PCDHGC5: variants seen among roughly 807,000 people sequenced by gnomAD.
PCDHGC5 encodes the protein protocadherin gamma subfamily C, 5.
In PCDHGC5, 25 loss-of-function variants were observed where a neutral mutation model predicts 59.0. The ratio of observed to expected loss-of-function variants is 0.42; its 90% CI spans 0.31 to 0.59. The LOEUF is 0.59. PCDHGC5 is among the 20% of genes least tolerant of loss of function. PCDHGC5 has a pLI of 0.13. For synonymous variants in PCDHGC5, 434 were observed against 505.5 expected (o/e 0.86, Z 1.90); for missense variants, 1,067 against 1,206.4 (o/e 0.88, Z 1.71).
At chr5:141,505,306 T>C in intron 2 of PCDHGC5, 87 bp from the exon 3 acceptor site, 4 of 1,596,550 alleles carry the variant, frequency 2.5e-6, no homozygotes, top group Non-Finnish European at 3.4e-6. Context: ...GTTAGGGTAC[T>C]AGGTTTGGGA....
At chr5:141,510,887 G>C (rs2099883217) in intron 3 of PCDHGC5, 60 bp from the exon 4 acceptor site, 2 of 1,612,600 alleles carry the variant, frequency 1.2e-6, no homozygotes, top group East Asian at 4.5e-5. Context: ...GGGGATATAA[G>C]ACAGTGACTG....
At chr5:141,494,455 G>A (rs906714175) in intron 1 of PCDHGC5, among the ~76,000 whole-genome samples, 2 of 152,156 alleles carry the variant, frequency 1.3e-5, no homozygotes, top group African/African-American at 4.8e-5. Flanking sequence ...AGGGGGCTTT[G>A]TCTGCACCTC....
rs1173375966 is a variant in PCDHGC5, at chr5:141,511,162, GAGA to G, written c.2830_2832del (p.Lys944del). 16 of 1,614,044 alleles carry G rather than the reference GAGA, an allele frequency of 9.9e-6. No individual in the cohort carries two copies. The highest frequency in any genetic ancestry group is 5.5e-5 in the South Asian group (5 of 91,078). On this transcript the variant is annotated inframe_deletion, in exon 4 of 4. Transcript: ENST00000252087. The stretch of plus-strand genomic sequence containing the variant: ...CAACAAGAAGAAGTCGGGCAAGAAG[GAGA>G]AGAAGTAACATGGAGGCCAGGCCAA...
rs753845173 is a variant in PCDHGC5, at chr5:141,490,873, C to T, written c.1633C>T (p.His545Tyr). The change falls in exon 1 of 4, where the codon CAT becomes TAT. Residue 545 changes from histidine to tyrosine, a missense_variant. Coordinates refer to ENST00000252087, the MANE Select transcript of PCDHGC5 (RefSeq NM_018929.3). The surrounding 1 kb of genome is among the most constrained non-coding windows in gnomAD (Gnocchi z 5.4). Reference sequence around the variant, plus strand: ...TCGAGACTCCGGCTCTCCCCCATTGCATGCCAACACATCTCTGCATGTGTT... The same window carrying T: ...TCGAGACTCCGGCTCTCCCCCATTGTATGCCAACACATCTCTGCATGTGTT... Reference protein sequence around the residue: ...GVRDSGSPPLHANTSLHVFVL... With the variant: ...GVRDSGSPPLYANTSLHVFVL... 5.6e-6 allele frequency: 9 copies of T among 1,613,884 alleles called. No homozygotes were observed. The highest frequency in any genetic ancestry group is 7.6e-6 in the Non-Finnish European group (9 of 1,179,908).
intron 2 of PCDHGC5, among the ~76,000 whole-genome samples, chr5:141,499,115 C>G (rs940275925): frequency 6.6e-6 from 1 of 152,124 alleles, no homozygotes; most frequent in Non-Finnish European, 1.5e-5. Flanking sequence ...CACCACTATC[C>G]CTTCTCAGGT....
At chr5:141,502,019 G>A (rs1454981730) in intron 2 of PCDHGC5, among the ~76,000 whole-genome samples, 1 of 152,008 alleles carries the variant, frequency 6.6e-6, no homozygotes, top group African/African-American at 2.4e-5. Flanking sequence ...TCTCCTCCCT[G>A]CAACCCCCGC....
At chr5:141,500,499 G>A (rs531501031) in intron 2 of PCDHGC5, among the ~76,000 whole-genome samples, 11 of 151,970 alleles carry the variant, frequency 7.2e-5, no homozygotes, top group African/African-American at 2.7e-4. Context: ...GTGAGCCACC[G>A]CGCCTGGCCG....
intron 2 of PCDHGC5, among the ~76,000 whole-genome samples, chr5:141,502,152 C>T (rs1306227782): frequency 2.0e-5 from 3 of 152,128 alleles, no homozygotes; most frequent in African/African-American, 4.8e-5. Flanking sequence ...AAGTAAGGAC[C>T]CCAGATATTC....
Position 141,490,732 on chromosome 5 carries a change from G to T in PCDHGC5, c.1492G>T (p.Val498Phe), listed in dbSNP as rs775388969. 4 of 1,614,188 alleles carry T rather than the reference G, an allele frequency of 2.5e-6. No individual in the cohort carries two copies. Among genetic ancestry groups the T allele is most frequent in the Non-Finnish European group, 3.4e-6 (4 of 1,180,042 alleles). ...CACCTACTCCATTGTAGGAAATCAGGTTCAGGGAGCCCCAGCCTCCTCCTT... is the reference window on the plus strand; with the variant it reads ...CACCTACTCCATTGTAGGAAATCAGTTTCAGGGAGCCCCAGCCTCCTCCTT... ...RLTYSIVGNQ[V>F]QGAPASSFVY... is the part of the protein sequence containing the mutation. Residue 498 changes from valine (V) to phenylalanine (F), a missense_variant, in exon 1 of 4, where the codon GTT becomes TTT. Physicochemically the swap from Val to Phe is conservative, Grantham distance 50 (BLOSUM62 -1). Transcript: ENST00000252087. The surrounding 1 kb of genome is among the most constrained non-coding windows in gnomAD (Gnocchi z 5.4).
At position 141,491,884 on chromosome 5, in the gene PCDHGC5, G is replaced by A. The variant is rs745931108; in HGVS notation, c.2460+184G>A. The A allele has an allele frequency of 2.8e-6, 4 of 1,446,372 alleles. No homozygotes were observed. The highest frequency in any genetic ancestry group is 2.9e-5 in the Admixed American group (1 of 34,718). 89.6% of individuals were successfully genotyped at this position (1,446,372 alleles called of 1,614,324 possible). ...AACCAGAGTGGCCGATTAAGGGATG[G>A]GGCTCCGAGCACCGGGGGTGGTGGC... On this transcript the variant is annotated intron_variant, in intron 1 of 3. Coordinates refer to ENST00000252087, the MANE Select transcript of PCDHGC5 (RefSeq NM_018929.3). This position sits in a 1 kb window ranked among gnomAD's most constrained non-coding sequence, Gnocchi z 6.9.
chr5:141,494,468 C>G (rs2099754577), intron 1 of PCDHGC5, among the ~76,000 whole-genome samples: 1 of 152,136 alleles, frequency 6.6e-6, no homozygotes, highest in East Asian at 1.9e-4. Context: ...TGCACCTCTT[C>G]CCCCAGTTCC....
rs746903142 is a variant in PCDHGC5, at chr5:141,491,667, G to T, written c.2427G>T (p.Arg809=). ...TALALEPDAI[R]SRSNTLRERS... is the part of the protein sequence containing the mutation. ...TGGCGCTGGAGCCTGACGCCATCCG[G>T]TCCCGCTCTAATACGCTGCGGGAGC... Residue 809 remains arginine, a synonymous_variant, in exon 1 of 4, where the codon CGG becomes CGT. Coordinates refer to ENST00000252087, the MANE Select transcript of PCDHGC5 (RefSeq NM_018929.3). The surrounding 1 kb of genome is among the most constrained non-coding windows in gnomAD (Gnocchi z 6.9). 1.9e-6 allele frequency: 3 copies of T among 1,613,794 alleles called. No individual in the cohort carries two copies. Among genetic ancestry groups the T allele is most frequent in the Admixed American group, 1.7e-5 (1 of 60,032 alleles).
rs200464357 is a variant in PCDHGC5 at position 141,489,983 on chromosome 5, G to A, written c.743G>A (p.Arg248His). 4.5e-5 allele frequency: 73 copies of A among 1,614,172 alleles called. No homozygotes were observed. Among genetic ancestry groups the A allele is most frequent in the Middle Eastern group, 3.3e-4 (2 of 6,062 alleles). ...NAPTFQSSVLRVGIPENAPIG... is the reference protein window; with the variant it reads ...NAPTFQSSVLHVGIPENAPIG... ...CCAACCTTCCAATCCTCAGTTCTAC[G>A]TGTGGGAATCCCAGAGAATGCACCC... The change falls in exon 1 of 4, where the codon CGT becomes CAT. Residue 248 changes from arginine (R) to histidine (H), a missense_variant. Coordinates refer to ENST00000252087, the MANE Select transcript of PCDHGC5 (RefSeq NM_018929.3). This position sits in a 1 kb window ranked among gnomAD's most constrained non-coding sequence, Gnocchi z 4.5.
intron 2 of PCDHGC5, among the ~76,000 whole-genome samples, chr5:141,502,296 G>A (rs758304596): frequency 7.9e-5 from 12 of 151,130 alleles, no homozygotes; most frequent in Non-Finnish European, 1.2e-4. Context: ...TGGTTGTCAC[G>A]TCTTTCCTCT....
At position 141,491,583 on chromosome 5, in the gene PCDHGC5, C is replaced by T; in HGVS notation, c.2343C>T (p.Ala781=). The change falls in exon 1 of 4, where the codon GCC becomes GCT. Residue 781 remains alanine (A), a synonymous_variant. Transcript: ENST00000252087. The surrounding 1 kb of genome is among the most constrained non-coding windows in gnomAD (Gnocchi z 6.9). ...GCTACAGGACGTGCTTTTCACCGGC[C>T]TCGGACGGCAGTGACTTCACTTTTC... The part of the protein sequence containing the change: ...SHCYRTCFSP[A]SDGSDFTFLR... 1 of 1,613,964 alleles carries T rather than the reference C, an allele frequency of 6.2e-7. No individual in the cohort carries two copies. Among genetic ancestry groups the T allele is most frequent in the African/African-American group, 1.3e-5 (1 of 75,032 alleles).
At chr5:141,492,500 C>G (rs2099741252) in intron 1 of PCDHGC5, among the ~76,000 whole-genome samples, 1 of 152,322 alleles carries the variant, frequency 6.6e-6, no homozygotes, top group South Asian at 2.1e-4. Flanking sequence ...GCGAGGACTC[C>G]GGAGCCTCCT....
At position 141,511,235 on chromosome 5, in the gene PCDHGC5, C is replaced by G; in HGVS notation, c.*62C>G. On this transcript the variant is annotated 3_prime_UTR_variant, in exon 4 of 4. Transcript: ENST00000252087. ...CCCCAACCAGCCCAGCTTCTCCTTA[C>G]CTGCACCCAGGCCTCAGAGTTTCAG... 2 of 1,592,936 alleles carry G rather than the reference C, an allele frequency of 1.3e-6. No homozygotes were observed. The highest frequency in any genetic ancestry group is 1.7e-6 in the Non-Finnish European group (2 of 1,169,652).
chr5:141,494,643 AG>A, intron 1 of PCDHGC5, 163 bp from the exon 2 acceptor site: 1 of 928,048 alleles, frequency 1.1e-6, no homozygotes, highest in Non-Finnish European at 1.3e-6. Flanking sequence ...CTGAGACCTG[AG>A]GTGTATTTTG....
At chr5:141,499,330 C>T (rs1040336371) in intron 2 of PCDHGC5, among the ~76,000 whole-genome samples, 1 of 152,170 alleles carries the variant, frequency 6.6e-6, no homozygotes, top group African/African-American at 2.4e-5. Flanking sequence ...CCTGCTCTCT[C>T]TCAGTTTGGG....
Sources: allele counts gnomAD v4.1 joint callset (sites outside exome capture counted in the v4.1 genomes callset), GRCh38; gene constraint gnomAD v4.1.1; non-coding constraint Gnocchi (gnomAD v3.1); transcripts MANE v1.5; gene names NCBI Gene and HGNC (gene_info 2026-07-23, HGNC 2026-07-21).